Variants in DLGAP2 observed in about 807,000 individuals in gnomAD.
DLGAP2 encodes disks large-associated protein 2.
Under a neutral mutation model 100.3 loss-of-function variants are expected in DLGAP2, and 26 were observed. The observed-to-expected ratio is 0.26, with a 90% CI of 0.19 to 0.36. The LOEUF (loss-of-function observed/expected upper bound fraction) is 0.36, where lower values mean the gene tolerates loss of function less well. Ranked by LOEUF, DLGAP2 falls within the 10% of genes least tolerant of loss-of-function variation. DLGAP2 has a pLI of 1.00. For missense variants in DLGAP2, 1,858 were observed against 1,453.2 expected (o/e 1.28, Z -4.53); for synonymous variants, 886 against 630.1 (o/e 1.41, Z -6.08).
At chr8:1,086,025 C>T (rs77021637) in intron 2 of DLGAP2, among the ~76,000 whole-genome samples, 1 of 151,848 alleles carries the variant, frequency 6.6e-6, no homozygotes, top group Non-Finnish European at 1.5e-5. Context: ...TTTTTGTTGC[C>T]ATTGTTAATG....
chr8:1,256,623 C>G (rs1008153892), intron 2 of DLGAP2, among the ~76,000 whole-genome samples: 2 of 152,164 alleles, frequency 1.3e-5, no homozygotes, highest in African/African-American at 4.8e-5. Flanking sequence ...CACAGGGACA[C>G]AGTCATGTCC....
chr8:1,462,283 A>G (rs1299221518), intron 3 of DLGAP2, among the ~76,000 whole-genome samples: 7 of 62,028 alleles, frequency 1.1e-4, no homozygotes, highest in Non-Finnish European at 1.5e-4. Flanking sequence ...TCGCTGATTC[A>G]GTGACCAGGA....
chr8:1,446,859 G>C (rs961839815), intron 3 of DLGAP2, among the ~76,000 whole-genome samples: 5 of 152,084 alleles, frequency 3.3e-5, no homozygotes, highest in Admixed American at 6.6e-5. Context: ...AAGCAATTAT[G>C]AATGGGAGTT....
chr8:1,392,730 C>A (rs879811093), intron 3 of DLGAP2, among the ~76,000 whole-genome samples: 1 of 152,172 alleles, frequency 6.6e-6, no homozygotes, highest in African/African-American at 2.4e-5. Context: ...AGTGCCAGAC[C>A]TTTGCCAGGT....
At chr8:1,142,230 T>C (rs1320631349) in intron 2 of DLGAP2, among the ~76,000 whole-genome samples, 2 of 152,150 alleles carry the variant, frequency 1.3e-5, no homozygotes. Flanking sequence ...TATAATAAAA[T>C]TATGCATCAT....
At position 1,087,197 on chromosome 8, in the gene DLGAP2, C is replaced by T. The variant is rs140543749; in HGVS notation, c.74-171654C>T. Among the ~76,000 whole-genome samples, 467 of 152,254 alleles carry T rather than the reference C, an allele frequency of 3.1e-3. 1 individual carries two copies. Among genetic ancestry groups the T allele is most frequent in the African/African-American group, 0.011 (452 of 41,546 alleles). ...GATAAACAAAAATGGAAACATCATGCGTACCGAAACATATGAGATGCAGCA... is the reference window on the plus strand; with the variant it reads ...GATAAACAAAAATGGAAACATCATGTGTACCGAAACATATGAGATGCAGCA... On this transcript the variant is annotated intron_variant, in intron 2 of 14. Transcript: ENST00000637795.
intron 1 of DLGAP2, among the ~76,000 whole-genome samples, chr8:738,263 C>T (rs934983186): frequency 2.0e-5 from 3 of 151,776 alleles, no homozygotes; most frequent in Admixed American, 6.6e-5. Context: ...CCCCCTCCCC[C>T]CAAGCCCGGG....
At chr8:833,406 T>C (rs1796816464) in intron 1 of DLGAP2, among the ~76,000 whole-genome samples, 1 of 152,186 alleles carries the variant, frequency 6.6e-6, no homozygotes, top group Admixed American at 6.5e-5. Flanking sequence ...GGCCAGCTCC[T>C]CTTGAGGTTC....
At chr8:996,572 G>C (rs997063690) in intron 2 of DLGAP2, among the ~76,000 whole-genome samples, 1 of 152,204 alleles carries the variant, frequency 6.6e-6, no homozygotes, top group African/African-American at 2.4e-5. Context: ...TTTGTTCTCA[G>C]TTCTCTCATG....
intron 3 of DLGAP2, among the ~76,000 whole-genome samples, chr8:1,275,292 G>C (rs751462478): frequency 2.0e-5 from 3 of 151,876 alleles, no homozygotes; most frequent in East Asian, 3.9e-4. Flanking sequence ...AGGCATCGTA[G>C]CTTACTAGAT....
At chr8:1,233,052 T>C (rs4073843) in intron 2 of DLGAP2, among the ~76,000 whole-genome samples, 67,748 of 152,088 alleles carry the variant, frequency 0.45, 16,048 homozygotes, top group Middle Eastern at 0.55. Flanking sequence ...TTGTGCCTGG[T>C]TTCTTCCACT....
chr8:790,335 C>G (rs149062164), intron 1 of DLGAP2, among the ~76,000 whole-genome samples: 1,834 of 152,290 alleles, frequency 0.012, 38 homozygotes, highest in African/African-American at 0.042. Context: ...GTAAGAGATG[C>G]TTGGAGATGA....
At chr8:1,552,888 C>T (rs1410958892) in intron 5 of DLGAP2, among the ~76,000 whole-genome samples, 2 of 152,148 alleles carry the variant, frequency 1.3e-5, no homozygotes, top group African/African-American at 4.8e-5. Context: ...GCAATTCAGG[C>T]CTCACGTTAT....
chr8:1,098,451 C>T lies in DLGAP2; in HGVS notation c.74-160400C>T, dbSNP rs1461852134. On this transcript the variant is annotated intron_variant, in intron 2 of 14. Transcript: ENST00000637795. ...CCCGGGCAGGTTTGCTTTTTTACAA[C>T]TTGGTGGGTAAATCTGAGAATGTTT... Among the ~76,000 whole-genome samples, 5 of 152,308 alleles carry T rather than the reference C, an allele frequency of 3.3e-5. No individual in the cohort carries two copies. The East Asian group carries it at 9.7e-4, about 29-fold the overall frequency.
intron 3 of DLGAP2, among the ~76,000 whole-genome samples, chr8:1,417,764 G>A (rs1796971819): frequency 7.4e-6 from 1 of 134,274 alleles, no homozygotes; most frequent in African/African-American, 3.0e-5. Context: ...CGGACCAGAG[G>A]GTCCTGGAAT....
chr8:1,587,238 A>T (rs565463272), intron 6 of DLGAP2, among the ~76,000 whole-genome samples: 1 of 152,344 alleles, frequency 6.6e-6, no homozygotes, highest in East Asian at 1.9e-4. Context: ...ATTTAATTTC[A>T]GGAAATAACT....
chr8:1,058,395 G>C (rs556338855), intron 2 of DLGAP2, among the ~76,000 whole-genome samples: 1 of 152,370 alleles, frequency 6.6e-6, no homozygotes, highest in South Asian at 2.1e-4. Context: ...TCTGCTGTGA[G>C]ATGCGGTGTG....
intron 2 of DLGAP2, among the ~76,000 whole-genome samples, chr8:1,121,225 CAG>C (rs1300064058): frequency 3.3e-5 from 5 of 149,440 alleles, no homozygotes; most frequent in Non-Finnish European, 5.9e-5. Context: ...CATCCTTGTC[CAG>C]TTAGAACCCA....
At chr8:777,977 T>G (rs977526241) in intron 1 of DLGAP2, among the ~76,000 whole-genome samples, 44 of 152,300 alleles carry the variant, frequency 2.9e-4, no homozygotes, top group African/African-American at 1.0e-3. Flanking sequence ...CCCATCACTT[T>G]CAGGTACACC....
Sources: gnomAD v4.1 joint callset for allele counts (sites outside exome capture counted in the v4.1 genomes callset) on GRCh38, gnomAD v4.1.1 for gene constraint, MANE v1.5 for transcripts, NCBI Gene and HGNC (gene_info 2026-07-23, HGNC 2026-07-21) for gene names.